ZFHX4: variants seen among roughly 807,000 people sequenced by gnomAD.
ZFHX4 encodes the protein zinc finger homeobox 4.
A neutral mutation model predicts 267.6 loss-of-function variants in ZFHX4; 56 were observed. The observed-to-expected ratio is 0.21, with a 90% CI of 0.17 to 0.26. The LOEUF (loss-of-function observed/expected upper bound fraction) is 0.26, where lower values mean the gene tolerates loss of function less well. Among genes scored for constraint, ZFHX4 ranks in the 10% least tolerant of loss-of-function variants. ZFHX4 has a pLI of 1.00. For missense variants in ZFHX4, 4,332 were observed against 4,420.0 expected, an observed-to-expected ratio of 0.98 and a Z score of 0.56; for synonymous variants, 1,778 against 1,665.6, an observed-to-expected ratio of 1.07 and a Z score of -1.64.
chr8:76,811,872 T>C (rs10096960), intron 4 of ZFHX4, among the ~76,000 whole-genome samples: 6,296 of 152,210 alleles, frequency 0.041, 211 homozygotes, highest in African/African-American at 0.091. Flanking sequence ...TGCTGTGAGC[T>C]GAAATCACGC....
At chr8:76,731,072 A>G (rs1347315000) in intron 3 of ZFHX4, among the ~76,000 whole-genome samples, 2 of 152,152 alleles carry the variant, frequency 1.3e-5, no homozygotes, top group Non-Finnish European at 2.9e-5. Flanking sequence ...CTTTACTGAT[A>G]AGCTTCTCCA....
At chr8:76,717,275 T>A (rs1349084895) in intron 3 of ZFHX4, among the ~76,000 whole-genome samples, 1 of 152,216 alleles carries the variant, frequency 6.6e-6, no homozygotes, top group Non-Finnish European at 1.5e-5. Flanking sequence ...CTCTCCATCA[T>A]ATGTTGATAA....
In ZFHX4 at chr8:76,852,936, G is replaced by A. The variant is rs776517424; in HGVS notation, c.6015G>A (p.Pro2005=). The change falls in exon 10 of 11, where the codon CCG becomes CCA. Residue 2005 remains proline, a synonymous_variant. Transcript: ENST00000651372. The stretch of plus-strand genomic sequence containing the variant: ...CATCTTCTCCAGAAACGCCGCCCCC[G>A]CCACCTCCTCCTCCTCCCTTGCCTC... ...ISPSSPETPP[P]PPPPPPLPPA... is the part of the protein sequence containing the mutation. 102 of 1,586,946 alleles carry A rather than the reference G, an allele frequency of 6.4e-5. No homozygotes were observed. The highest frequency in any genetic ancestry group is 1.8e-4 in the South Asian group (16 of 87,926).
rs778232576 is a variant in ZFHX4, at chr8:76,863,491, C to T, written c.9777C>T (p.Gly3259=). ...CTGGTGACCCAGCTTCCTTTATAGG[C>T]GGACAGTTCTTGCCATACTTTATCC... ...AIAGDPASFI[G]GQFLPYFIPG... The change falls in exon 11 of 11, where the codon GGC becomes GGT. Residue 3259 remains glycine, a synonymous_variant. Coordinates refer to ENST00000651372, the MANE Select transcript of ZFHX4 (RefSeq NM_024721.5). The T allele has an allele frequency of 4.0e-5, 65 of 1,613,492 alleles. No homozygotes were observed. Among genetic ancestry groups the T allele is most frequent in the East Asian group, 6.7e-5 (3 of 44,884 alleles).
chr8:76,705,809 C>T lies in ZFHX4; in HGVS notation c.1721C>T (p.Pro574Leu), dbSNP rs747959201. 6.2e-7 allele frequency: 1 copy of T among 1,613,926 alleles called. No homozygotes were observed. The highest frequency in any genetic ancestry group is 1.6e-4 in the Middle Eastern group (1 of 6,062). ...ASKDSATAAH[P>L]SEIARGDEDS... Reference sequence around the variant, plus strand: ...AAAGACAGTGCCACAGCTGCTCATCCAAGTGAAATAGCCCGGGGAGACGAA... The same window carrying T: ...AAAGACAGTGCCACAGCTGCTCATCTAAGTGAAATAGCCCGGGGAGACGAA... The change falls in exon 2 of 11, where the codon CCA becomes CTA. Residue 574 changes from proline to leucine, a missense_variant. Pro to Leu is a moderately conservative substitution (Grantham distance 98, BLOSUM62 -3). This residue lies in a region of ZFHX4 where 1,195 missense variants were observed against 1,173.6 expected (regional missense o/e 1.02). Transcript: ENST00000651372.
At chr8:76,823,886 T>G (rs1811718760) in intron 4 of ZFHX4, among the ~76,000 whole-genome samples, 1 of 152,230 alleles carries the variant, frequency 6.6e-6, no homozygotes, top group South Asian at 2.1e-4. Flanking sequence ...TTATTATAAG[T>G]AGTAGCGATG....
Position 76,855,984 on chromosome 8 carries a change from C to T in ZFHX4, c.9063C>T (p.Ser3021=). ...GGGTGAAGTACTCTGCCCGCTTGTCCATCAGAGATCACATTTTCTCCAAAC... is the reference window on the plus strand; with the variant it reads ...GGGTGAAGTACTCTGCCCGCTTGTCTATCAGAGATCACATTTTCTCCAAAC... ...LCGVKYSARL[S]IRDHIFSKQH... is the part of the protein sequence containing the mutation. The change falls in exon 10 of 11, where the codon TCC becomes TCT. Residue 3021 remains serine, a synonymous_variant. Transcript: ENST00000651372. The T allele has an allele frequency of 6.2e-7, 1 of 1,613,962 alleles. No individual in the cohort carries two copies. Among genetic ancestry groups the T allele is most frequent in the Non-Finnish European group, 8.5e-7 (1 of 1,179,878 alleles).
intron 4 of ZFHX4, among the ~76,000 whole-genome samples, chr8:76,831,300 G>T (rs1277315122): frequency 6.6e-6 from 1 of 152,186 alleles, no homozygotes; most frequent in Non-Finnish European, 1.5e-5. Flanking sequence ...ATGATACGTT[G>T]AAATGTGTAT....
chr8:76,717,456 T>C (rs1463954846), intron 3 of ZFHX4, among the ~76,000 whole-genome samples: 1 of 152,232 alleles, frequency 6.6e-6, no homozygotes, highest in African/African-American at 2.4e-5. Flanking sequence ...CTGACATTGC[T>C]GCAGTTGACC....
chr8:76,806,162 C>T (rs1272871593), intron 4 of ZFHX4, among the ~76,000 whole-genome samples: 1 of 152,134 alleles, frequency 6.6e-6, no homozygotes, highest in Admixed American at 6.6e-5. Context: ...TCAAGCAGAT[C>T]TCCTTTTCTA....
chr8:76,801,245 G>T (rs914822369), intron 4 of ZFHX4, among the ~76,000 whole-genome samples: 1 of 152,008 alleles, frequency 6.6e-6, no homozygotes, highest in Non-Finnish European at 1.5e-5. Flanking sequence ...TAATGCTTAT[G>T]CAAGATGCAG....
In ZFHX4 at chr8:76,856,191, C is replaced by T. The variant is rs1168818095; in HGVS notation, c.9270C>T (p.His3090=). Residue 3090 remains histidine (H), a synonymous_variant, in exon 10 of 11, where the codon CAC becomes CAT. Transcript: ENST00000651372. ...GCATGATGGACAGCAGTTCTCTCCA[C>T]GGCATCAGCCTGCCAACAGCCTACC... The part of the protein sequence containing the change: ...QPGMMDSSSL[H]GISLPTAYPG... The T allele has an allele frequency of 1.9e-6, 3 of 1,613,984 alleles. No individual in the cohort carries two copies. The highest frequency in any genetic ancestry group is 1.1e-5 in the South Asian group (1 of 91,084).
At chr8:76,751,242 T>A (rs1290957345) in intron 3 of ZFHX4, among the ~76,000 whole-genome samples, 1 of 152,172 alleles carries the variant, frequency 6.6e-6, no homozygotes, top group Non-Finnish European at 1.5e-5. Context: ...TCAGCCTAAC[T>A]AATGTCTACA....
At chr8:76,761,071 G>C (rs1563506739) in intron 3 of ZFHX4, among the ~76,000 whole-genome samples, 1 of 152,082 alleles carries the variant, frequency 6.6e-6, no homozygotes, top group Non-Finnish European at 1.5e-5. Context: ...CAAGGGAAAA[G>C]TGTCCTGTAT....
chr8:76,722,584 A>G (rs1450426675), intron 3 of ZFHX4, among the ~76,000 whole-genome samples: 1 of 151,574 alleles, frequency 6.6e-6, no homozygotes, highest in Non-Finnish European at 1.5e-5. Context: ...AAGGTGTCCA[A>G]CTGACTTTCT....
chr8:76,704,249 A>T lies in ZFHX4; in HGVS notation c.161A>T (p.Asp54Val). 2 of 1,614,036 alleles carry T rather than the reference A, an allele frequency of 1.2e-6. No individual in the cohort carries two copies. Among genetic ancestry groups the T allele is most frequent in the South Asian group, 2.2e-5 (2 of 91,082 alleles). ...TCCACAGATGACAACCTGAAAACGG[A>T]TGAGCGCAAAAGTGAAGCCTTGCTG... is the stretch of plus-strand genomic sequence containing the variant. ...NSSTDDNLKT[D>V]ERKSEALLGF... The change falls in exon 2 of 11, where the codon GAT becomes GTT. Residue 54 changes from aspartate to valine, a missense_variant. Asp to Val is a radical substitution (Grantham distance 152, BLOSUM62 -3). Coordinates refer to ENST00000651372, the MANE Select transcript of ZFHX4 (RefSeq NM_024721.5).
At chr8:76,843,447 G>C (rs1042710944) in intron 6 of ZFHX4, among the ~76,000 whole-genome samples, 3 of 152,126 alleles carry the variant, frequency 2.0e-5, no homozygotes, top group Non-Finnish European at 4.4e-5. Flanking sequence ...AAACCTTCGT[G>C]TCATGACATT....
chr8:76,787,827 G>T (rs1166948767), intron 4 of ZFHX4, among the ~76,000 whole-genome samples: 1 of 151,496 alleles, frequency 6.6e-6, no homozygotes, highest in Non-Finnish European at 1.5e-5. Flanking sequence ...AAAGAAAAAA[G>T]AAAATATGAC....
chr8:76,843,984 C>CTA (rs1319900630), intron 6 of ZFHX4, among the ~76,000 whole-genome samples: 1 of 152,088 alleles, frequency 6.6e-6, no homozygotes, highest in Non-Finnish European at 1.5e-5. Flanking sequence ...GATATACTGT[C>CTA]TAACATGTGA....
Sources: gnomAD v4.1 joint callset for allele counts (sites outside exome capture counted in the v4.1 genomes callset) on GRCh38, gnomAD v4.1.1 for gene constraint, gnomAD v4.1.1 regional missense constraint, MANE v1.5 for transcripts, NCBI Gene and HGNC (gene_info 2026-07-23, HGNC 2026-07-21) for gene names.